The following NRAS variants were observed in gnomAD, a reference collection of about 807,000 sequenced individuals.
NRAS encodes the protein NRAS proto-oncogene, GTPase.
Under a neutral mutation model 21.3 loss-of-function variants are expected in NRAS, and 6 were observed. The ratio of observed to expected loss-of-function variants is 0.28; its 90% CI spans 0.15 to 0.56. The LOEUF (loss-of-function observed/expected upper bound fraction) is 0.56, where lower values mean the gene tolerates loss of function less well. Among genes scored for constraint, NRAS ranks in the 20% least tolerant of loss-of-function variants. The probability of loss-of-function intolerance (pLI) is 0.93; values close to 1 mark genes in which losing one functional copy is unlikely to be tolerated. For synonymous variants in NRAS, 84 were observed against 82.0 expected (o/e 1.02, Z -0.13); for missense variants, 143 against 231.3 (o/e 0.62, Z 2.48).
intron 4 of NRAS, 48 bp downstream of exon 4, chr1:114,709,521 A>T (rs201075907): frequency 3.4e-6 from 5 of 1,453,530 alleles, no homozygotes; most frequent in African/African-American, 2.8e-5. Context: ...TACCAGAGTT[A>T]ATCAACTGAT....
rs1295054497 is a variant in NRAS at position 114,705,308 on chromosome 1, T to C, written c.*2786A>G. 2.6e-5 allele frequency: 4 copies of C among 152,236 alleles called. No individual in the cohort carries two copies. Among genetic ancestry groups the C allele is most frequent in the African/African-American group, 9.6e-5 (4 of 41,466 alleles). 9.4% of individuals were successfully genotyped at this position (152,236 alleles called of 1,614,324 possible). A position where few individuals can be genotyped will look rare whatever the true frequency, so the allele number is the denominator to read the frequency against. On this transcript the variant is annotated 3_prime_UTR_variant, in exon 7 of 7. Coordinates refer to ENST00000369535, the MANE Select transcript of NRAS (RefSeq NM_002524.5). ...GTAATAAGTATGATATTGTATTAAG[T>C]AACATTCTATAGTAAGCCGTTGGAG...
At chr1:114,713,771 C>G (rs985190957) in intron 3 of NRAS, 29 bp downstream of exon 3, 8 of 1,574,750 alleles carry the variant, frequency 5.1e-6, no homozygotes, top group Non-Finnish European at 6.1e-6. Context: ...CAAAGATCAT[C>G]CTTTCAGAGA....
intron 3 of NRAS, among the ~76,000 whole-genome samples, chr1:114,711,838 T>G (rs1462314362): frequency 1.3e-5 from 2 of 152,196 alleles, no homozygotes; most frequent in African/African-American, 4.8e-5. Flanking sequence ...GTACTTTATG[T>G]GATGATGGAA....
At position 114,711,543 on chromosome 1, in the gene NRAS, G is replaced by A. The variant is rs552863950; in HGVS notation, c.291-1815C>T. ...TCGAACCCGGGAGGCGGAGGTTGCA[G>A]TGAGCCGCGATCGCACCACCGTACT... On this transcript the variant is annotated intron_variant, in intron 3 of 6. Transcript: ENST00000369535. 8.0e-5 allele frequency among the ~76,000 whole-genome samples: 12 copies of A among 150,766 alleles called. No individual in the cohort carries two copies. In the East Asian group the frequency reaches 2.2e-3, roughly 27 times the overall value.
At chr1:114,714,681 C>T (rs1374018462) in intron 2 of NRAS, among the ~76,000 whole-genome samples, 1 of 152,082 alleles carries the variant, frequency 6.6e-6, no homozygotes. Context: ...GTGCTCTATA[C>T]TGTTATCTGG....
intron 1 of NRAS, 139 bp from the exon 2 acceptor site, chr1:114,716,316 G>A (rs553448235): frequency 7.2e-6 from 5 of 695,468 alleles, no homozygotes; most frequent in East Asian, 2.7e-5. Context: ...CAAAAACACC[G>A]GATTAATATC....
At chr1:114,709,296 G>C (rs978956950) in intron 4 of NRAS, among the ~76,000 whole-genome samples, 15 of 152,042 alleles carry the variant, frequency 9.9e-5, no homozygotes, top group African/African-American at 3.4e-4. Flanking sequence ...AATTAGCCGG[G>C]CATGATGATG....
chr1:114,716,044 C>T lies in NRAS; in HGVS notation c.111+6G>A, dbSNP rs1659156930. On this transcript the variant is annotated splice_donor_region_variant and intron_variant, in intron 2 of 6. Transcript: ENST00000369535. ...ATCAGGTCAGCGGGCTACCACTGGG[C>T]CTCACCTCTATGGTGGGATCATATT... The T allele has an allele frequency of 6.5e-7, 1 of 1,550,010 alleles. No individual in the cohort carries two copies. The highest frequency in any genetic ancestry group is 1.7e-5 in the Admixed American group (1 of 59,930).
In NRAS at chr1:114,709,725, C is replaced by G. The variant is rs2101739002; in HGVS notation, c.294G>C (p.Glu98Asp). Residue 98 changes from glutamate to aspartate, a missense_variant, in exon 4 of 7, where the codon GAG becomes GAC. Glu to Asp is a conservative substitution (Grantham distance 45, BLOSUM62 2). Transcript: ENST00000369535. ...KSFADINLYR[E>D]QIKRVKDSDD... ...CCGAGTCTTTTACTCGCTTAATCTG[C>G]TCCCTAAAAACGGGAATATATTATC... 1 of 1,612,482 alleles carries G rather than the reference C, an allele frequency of 6.2e-7. No homozygotes were observed. The highest frequency in any genetic ancestry group is 8.5e-7 in the Non-Finnish European group (1 of 1,178,524).
At chr1:114,712,811 T>G (rs1276771355) in intron 3 of NRAS, among the ~76,000 whole-genome samples, 1 of 152,214 alleles carries the variant, frequency 6.6e-6, no homozygotes, top group African/African-American at 2.4e-5. Context: ...ATTATTTCCA[T>G]ATTATAGGTT....
At chr1:114,713,185 A>AT (rs1203419337) in intron 3 of NRAS, among the ~76,000 whole-genome samples, 4 of 151,190 alleles carry the variant, frequency 2.6e-5, no homozygotes, top group African/African-American at 9.7e-5. Flanking sequence ...TTTATTTTTT[A>AT]TTTTTTTTGG....
intron 2 of NRAS, among the ~76,000 whole-genome samples, chr1:114,714,352 AT>A (rs1159762342): frequency 1.3e-5 from 2 of 152,174 alleles, no homozygotes; most frequent in African/African-American, 2.4e-5. Context: ...TGTGCTGTTT[AT>A]TTTACTTAAA....
intron 2 of NRAS, among the ~76,000 whole-genome samples, chr1:114,714,481 G>A (rs1258224430): frequency 6.6e-6 from 1 of 151,830 alleles, no homozygotes; most frequent in Non-Finnish European, 1.5e-5. Flanking sequence ...CATGACAGAT[G>A]TACCTTTGGG....
intron 3 of NRAS, among the ~76,000 whole-genome samples, chr1:114,713,575 A>G (rs1018599965): frequency 3.3e-5 from 5 of 152,184 alleles, no homozygotes; most frequent in Admixed American, 6.5e-5. Flanking sequence ...CCCAGTAGCA[A>G]GCTTCACTTA....
intron 3 of NRAS, among the ~76,000 whole-genome samples, chr1:114,709,956 G>C (rs574788343): frequency 6.6e-6 from 1 of 151,924 alleles, no homozygotes. Flanking sequence ...ACTTTGGGAG[G>C]TTGAGGTGGG....
Position 114,713,064 on chromosome 1 carries a change from T to C in NRAS, c.290+736A>G, listed in dbSNP as rs561719501. 4.6e-5 allele frequency among the ~76,000 whole-genome samples: 7 copies of C among 152,366 alleles called. No individual in the cohort carries two copies. The East Asian group carries it at 1.2e-3, about 25-fold the overall frequency. ...AATAAGAATATTGTACTAGAATTTT[T>C]ATGGTCCAATCTAGCTTTGAAACTT... On this transcript the variant is annotated intron_variant, in intron 3 of 6. Coordinates refer to ENST00000369535, the MANE Select transcript of NRAS (RefSeq NM_002524.5).
Position 114,713,989 on chromosome 1 carries a change from G to C in NRAS, c.112-11C>G. On this transcript the variant is annotated splice_polypyrimidine_tract_variant and intron_variant, in intron 2 of 6. Transcript: ENST00000369535. ...TTTTCTGTAAGAATCCTGGGGGTGT[G>C]GAGGGTAAGGGGGCAGGGAGGGAGG... 1 of 1,554,018 alleles carries C rather than the reference G, an allele frequency of 6.4e-7. No individual in the cohort carries two copies. Among genetic ancestry groups the C allele is most frequent in the Non-Finnish European group, 8.8e-7 (1 of 1,131,262 alleles).
chr1:114,709,433 TAAAAA>T (rs34760442), intron 4 of NRAS, 131 bp downstream of exon 4: 2 of 724,526 alleles, frequency 2.8e-6, no homozygotes, highest in Admixed American at 2.6e-5. Context: ...AGACTCTGCC[TAAAAA>T]AAAATAAAAA....
intron 3 of NRAS, among the ~76,000 whole-genome samples, chr1:114,712,208 C>T (rs1659064648): frequency 6.6e-6 from 1 of 152,196 alleles, no homozygotes; most frequent in Admixed American, 6.5e-5. Context: ...CGGCTTTCAG[C>T]ATACAGATAC....
Sources: gnomAD v4.1 joint callset for allele counts (sites outside exome capture counted in the v4.1 genomes callset) on GRCh38, gnomAD v4.1.1 for gene constraint, MANE v1.5 for transcripts, NCBI Gene and HGNC (gene_info 2026-07-23, HGNC 2026-07-21) for gene names.